The following CFAP20DC variants were observed in gnomAD, a reference collection of about 807,000 sequenced individuals.
CFAP20DC encodes the protein CFAP20 domain containing, also known as protein CFAP20DC.
A neutral mutation model predicts 101.7 loss-of-function variants in CFAP20DC; 84 were observed. The ratio of observed to expected loss-of-function variants is 0.83; its 90% CI spans 0.69 to 0.99. The LOEUF (loss-of-function observed/expected upper bound fraction) is 0.99. Ranked by LOEUF, CFAP20DC falls within the 50% of genes least tolerant of loss-of-function variation. The probability of loss-of-function intolerance (pLI) is 0.00; values close to 1 mark genes in which losing one functional copy is unlikely to be tolerated. For synonymous variants in CFAP20DC, 359 were observed against 351.2 expected (o/e 1.02, Z -0.25); for missense variants, 1,007 against 970.3 (o/e 1.04, Z -0.50).
Position 58,913,890 on chromosome 3 carries a change from G to C in CFAP20DC, c.394-26C>G. The C allele has an allele frequency of 6.2e-7, 1 of 1,611,514 alleles. No homozygotes were observed. ...CTAAAATAGAGAGATGCAAAGAAGAGTAAGGACCTTTCATCAACACATAAA... is the reference window on the plus strand; with the variant it reads ...CTAAAATAGAGAGATGCAAAGAAGACTAAGGACCTTTCATCAACACATAAA... On this transcript the variant is annotated intron_variant, in intron 5 of 16. Coordinates refer to ENST00000482387, the MANE Select transcript of CFAP20DC (RefSeq NM_001394063.1). This position sits in a 1 kb window ranked among gnomAD's most constrained non-coding sequence, Gnocchi z 4.4.
chr3:59,015,526 G>A lies in CFAP20DC; in HGVS notation c.278+24031C>T, dbSNP rs1262289588. Among the ~76,000 whole-genome samples, 1 of 151,496 alleles carries A rather than the reference G, an allele frequency of 6.6e-6. No individual in the cohort carries two copies. Among genetic ancestry groups the A allele is most frequent in the Non-Finnish European group, 1.5e-5 (1 of 67,824 alleles). Reference sequence around the variant, plus strand: ...ACAAAATGGCAGAAAAGGGGAGAAAGAAAAAGGAAGAGGAAAAGAAGGAAA... The same window carrying A: ...ACAAAATGGCAGAAAAGGGGAGAAAAAAAAAGGAAGAGGAAAAGAAGGAAA... On this transcript the variant is annotated intron_variant, in intron 4 of 16. Transcript: ENST00000482387. This position sits in a 1 kb window ranked among gnomAD's most constrained non-coding sequence, Gnocchi z 5.4.
chr3:58,780,779 T>C (rs1327141747), intron 15 of CFAP20DC, among the ~76,000 whole-genome samples: 1 of 152,018 alleles, frequency 6.6e-6, no homozygotes, highest in African/African-American at 2.4e-5. Flanking sequence ...CACCTAGATA[T>C]GTAATGCAAA....
chr3:58,731,222 A>G lies in CFAP20DC; in HGVS notation c.198-13594T>C, dbSNP rs189919246. On this transcript the variant is annotated intron_variant, in intron 3 of 3. Transcript: ENST00000486145. Reference sequence around the variant, plus strand: ...GTAGGGGAAAGTGAAGGATGGAAAGAGGGTTAGGCTGACTCCCAAGATTCC... The same window carrying G: ...GTAGGGGAAAGTGAAGGATGGAAAGGGGGTTAGGCTGACTCCCAAGATTCC... 1.2e-4 allele frequency among the ~76,000 whole-genome samples: 19 copies of G among 152,336 alleles called. No individual in the cohort carries two copies. In the East Asian group the frequency reaches 2.1e-3, roughly 17 times the overall value.
At chr3:58,813,418 T>C (rs2074835417) in intron 14 of CFAP20DC, among the ~76,000 whole-genome samples, 1 of 151,962 alleles carries the variant, frequency 6.6e-6, no homozygotes, top group South Asian at 2.1e-4. Context: ...ATTCTCATTT[T>C]ATTACAATTT....
chr3:58,778,453 A>G (rs2071534899), intron 15 of CFAP20DC, among the ~76,000 whole-genome samples: 1 of 152,218 alleles, frequency 6.6e-6, no homozygotes, highest in African/African-American at 2.4e-5. Context: ...TGCCACCTGC[A>G]GATATGGGGA....
intron 14 of CFAP20DC, among the ~76,000 whole-genome samples, chr3:58,819,202 A>T (rs1293051863): frequency 1.3e-5 from 2 of 150,940 alleles, no homozygotes; most frequent in East Asian, 4.0e-4. Flanking sequence ...AAGATCCAAA[A>T]TTGACACCCT....
intron 12 of CFAP20DC, among the ~76,000 whole-genome samples, chr3:58,850,960 T>C (rs1265056913): frequency 6.6e-6 from 1 of 152,130 alleles, no homozygotes; most frequent in Non-Finnish European, 1.5e-5. Flanking sequence ...AAGTGAAGCA[T>C]GGGTAAAGGT....
intron 15 of CFAP20DC, among the ~76,000 whole-genome samples, chr3:58,781,028 T>G (rs1327648199): frequency 6.6e-6 from 1 of 151,994 alleles, no homozygotes; most frequent in Non-Finnish European, 1.5e-5. Flanking sequence ...GGATAGAATA[T>G]ATATTAGAAT....
At position 58,911,840 on chromosome 3, in the gene CFAP20DC, T is replaced by C. The variant is rs376714243; in HGVS notation, c.550+1868A>G. ...CTAAATCTCCTGTGGCTTGGTTATA[T>C]GGAGTTAGAGCAGGAACCTGGGGTC... On this transcript the variant is annotated intron_variant, in intron 6 of 16. Coordinates refer to ENST00000482387, the MANE Select transcript of CFAP20DC (RefSeq NM_001394063.1). 1.1e-4 allele frequency among the ~76,000 whole-genome samples: 17 copies of C among 152,212 alleles called. No homozygotes were observed. In the South Asian group the frequency reaches 1.7e-3, roughly 15 times the overall value.
intron 4 of CFAP20DC, among the ~76,000 whole-genome samples, chr3:59,034,657 T>C (rs2094061656): frequency 6.6e-6 from 1 of 152,144 alleles, no homozygotes; most frequent in Non-Finnish European, 1.5e-5. Flanking sequence ...ACCCCAAATA[T>C]ATATACACCC....
chr3:58,835,461 TC>T, intron 13 of CFAP20DC, among the ~76,000 whole-genome samples: 1 of 152,326 alleles, frequency 6.6e-6, no homozygotes, highest in East Asian at 1.9e-4. Flanking sequence ...GCTGCGATAT[TC>T]CCTGTATTCC....
rs1186845642 is a variant in CFAP20DC, at chr3:58,719,327, G to A, written c.198-1699C>T. Among the ~76,000 whole-genome samples the A allele has an allele frequency of 2.6e-5, 4 of 152,136 alleles. No individual in the cohort carries two copies. The South Asian group carries it at 6.2e-4, about 24-fold the overall frequency. Reference sequence around the variant, plus strand: ...GGCCCCTTTATACTGAGTGAGTAGCGTTCTAGTTAATCGAGGTCTTACTAC... The same window carrying A: ...GGCCCCTTTATACTGAGTGAGTAGCATTCTAGTTAATCGAGGTCTTACTAC... On this transcript the variant is annotated intron_variant, in intron 3 of 3. Coordinates refer to the CFAP20DC transcript ENST00000486145.
At chr3:58,775,713 A>G (rs1354858595) in intron 15 of CFAP20DC, among the ~76,000 whole-genome samples, 1 of 150,948 alleles carries the variant, frequency 6.6e-6, no homozygotes, top group Non-Finnish European at 1.5e-5. Flanking sequence ...AATTCTGGTC[A>G]GTCTAACATA....
intron 4 of CFAP20DC, among the ~76,000 whole-genome samples, chr3:58,946,025 A>AT (rs969672550): frequency 2.1e-4 from 30 of 142,354 alleles, no homozygotes; most frequent in African/African-American, 7.6e-4. Context: ...TTTCATATCT[A>AT]TTTTTTTCCT....
At chr3:58,829,904 G>C (rs1250573384) in intron 14 of CFAP20DC, among the ~76,000 whole-genome samples, 1 of 152,132 alleles carries the variant, frequency 6.6e-6, no homozygotes, top group Non-Finnish European at 1.5e-5. Context: ...GGAGGCCACT[G>C]TTCTCTTTCT....
intron 6 of CFAP20DC, among the ~76,000 whole-genome samples, chr3:58,885,290 ATATTT>A (rs949421870): frequency 9.2e-5 from 14 of 152,122 alleles, no homozygotes; most frequent in Middle Eastern, 3.4e-3. Context: ...ACTTATAATG[ATATTT>A]TATTTTAATT....
chr3:58,868,548 C>A lies in CFAP20DC; in HGVS notation c.1016-612G>T, dbSNP rs993232911. Among the ~76,000 whole-genome samples, 2 of 152,100 alleles carry A rather than the reference C, an allele frequency of 1.3e-5. No homozygotes were observed. The highest frequency in any genetic ancestry group is 4.8e-5 in the African/African-American group (2 of 41,424). On this transcript the variant is annotated intron_variant, in intron 9 of 16. Coordinates refer to ENST00000482387, the MANE Select transcript of CFAP20DC (RefSeq NM_001394063.1). The surrounding 1 kb of genome is among the most constrained non-coding windows in gnomAD (Gnocchi z 4.6). ...ATTAGTATTAGTGCCAGTAGTAATGCCATTCCCATTTTACAGAGGAGAAAA... is the reference window on the plus strand; with the variant it reads ...ATTAGTATTAGTGCCAGTAGTAATGACATTCCCATTTTACAGAGGAGAAAA...
intron 15 of CFAP20DC, among the ~76,000 whole-genome samples, chr3:58,758,351 T>G (rs2069156330): frequency 6.6e-6 from 1 of 151,866 alleles, no homozygotes; most frequent in Admixed American, 6.6e-5. Context: ...GAATGGGGAG[T>G]TCTAGCTGAG....
intron 6 of CFAP20DC, among the ~76,000 whole-genome samples, chr3:58,900,479 G>C (rs2083053131): frequency 6.6e-6 from 1 of 152,168 alleles, no homozygotes; most frequent in Admixed American, 6.5e-5. Flanking sequence ...CAGATATTAA[G>C]GGACCAGGGC....
Sources: allele counts gnomAD v4.1 joint callset (sites outside exome capture counted in the v4.1 genomes callset), GRCh38; gene constraint gnomAD v4.1.1; non-coding constraint Gnocchi (gnomAD v3.1); transcripts MANE v1.5; gene names NCBI Gene and HGNC (gene_info 2026-07-23, HGNC 2026-07-21).